Variants in SHC4 observed in about 807,000 individuals in gnomAD.
SHC4 encodes SHC adaptor protein 4, also known as SHC-transforming protein 4.
In SHC4, 41 loss-of-function variants were observed where a neutral mutation model predicts 69.4. That is an observed-to-expected ratio of 0.59 (90% CI 0.46 to 0.77). The LOEUF (loss-of-function observed/expected upper bound fraction) is 0.77, where lower values mean the gene tolerates loss of function less well. Ranked by LOEUF, SHC4 falls within the 30% of genes least tolerant of loss-of-function variation. The probability of loss-of-function intolerance (pLI) is 0.00; values close to 1 mark genes in which losing one functional copy is unlikely to be tolerated. For synonymous variants in SHC4, 318 were observed against 299.3 expected, an observed-to-expected ratio of 1.06 and a Z score of -0.64; for missense variants, 777 against 783.8, an observed-to-expected ratio of 0.99 and a Z score of 0.10.
chr15:48,907,020 A>G, intron 2 of SHC4, among the ~76,000 whole-genome samples: 1 of 152,156 alleles, frequency 6.6e-6, no homozygotes, highest in Middle Eastern at 3.2e-3. Flanking sequence ...AAAACCATAT[A>G]TCAAACTGTT....
chr15:48,954,261 T>G (rs1048442664), intron 1 of SHC4, among the ~76,000 whole-genome samples: 4 of 152,184 alleles, frequency 2.6e-5, no homozygotes. Flanking sequence ...CTCCAGACAT[T>G]ACCAAATGTC....
intron 10 of SHC4, among the ~76,000 whole-genome samples, chr15:48,841,583 G>A (rs897787441): frequency 1.3e-5 from 2 of 152,276 alleles, no homozygotes; most frequent in South Asian, 2.1e-4. Flanking sequence ...GGCTATATAC[G>A]CTCAGCCATT....
At chr15:48,914,145 G>C (rs1291457876) in intron 2 of SHC4, among the ~76,000 whole-genome samples, 1 of 152,234 alleles carries the variant, frequency 6.6e-6, no homozygotes, top group Non-Finnish European at 1.5e-5. Flanking sequence ...ACAGACATGA[G>C]CCACCGCGCC....
chr15:48,908,713 G>T (rs1396768151), intron 2 of SHC4, among the ~76,000 whole-genome samples: 1 of 152,142 alleles, frequency 6.6e-6, no homozygotes, highest in Admixed American at 6.6e-5. Context: ...AATCCATCTT[G>T]AGTTGATTTT....
rs1901570659 is a variant in SHC4, at chr15:48,962,906, G to C, written c.110C>G (p.Ser37Trp). The C allele has an allele frequency of 6.2e-7, 1 of 1,613,222 alleles. No individual in the cohort carries two copies. The highest frequency in any genetic ancestry group is 8.5e-7 in the Non-Finnish European group (1 of 1,180,036). Residue 37 changes from serine to tryptophan, a missense_variant, in exon 1 of 12, where the codon TCG becomes TGG. Ser to Trp is a radical substitution (Grantham distance 177). Transcript: ENST00000332408. ...RAKYSRFRNE[S>W]ITSLDEGSSG... Reference sequence around the variant, plus strand: ...GCTACCTTCGTCCAAGGACGTGATCGACTCGTTCCGAAAGCGGCTGTACTT... The same window carrying C: ...GCTACCTTCGTCCAAGGACGTGATCCACTCGTTCCGAAAGCGGCTGTACTT...
chr15:48,854,242 G>A (rs574520406), intron 8 of SHC4, among the ~76,000 whole-genome samples: 1 of 152,286 alleles, frequency 6.6e-6, no homozygotes, highest in African/African-American at 2.4e-5. Context: ...AATCATCAGA[G>A]AAGTGCAAAT....
intron 1 of SHC4, among the ~76,000 whole-genome samples, chr15:48,950,248 CAT>C (rs1223507085): frequency 7.0e-6 from 1 of 143,394 alleles, no homozygotes; most frequent in Non-Finnish European, 1.5e-5. Flanking sequence ...TATTAAATTT[CAT>C]ATATATTTTA....
At chr15:48,851,552 G>A in intron 8 of SHC4, among the ~76,000 whole-genome samples, 1 of 152,106 alleles carries the variant, frequency 6.6e-6, no homozygotes, top group East Asian at 1.9e-4. Flanking sequence ...CTCAATCCAA[G>A]TCTCAGCCAG....
chr15:48,915,857 A>G (rs1009485410), intron 2 of SHC4, among the ~76,000 whole-genome samples: 1 of 152,136 alleles, frequency 6.6e-6, no homozygotes, highest in Non-Finnish European at 1.5e-5. Context: ...TCTTCTCAGT[A>G]AATTTTTTCA....
At chr15:48,943,451 G>A (rs1901213073) in intron 1 of SHC4, among the ~76,000 whole-genome samples, 1 of 152,094 alleles carries the variant, frequency 6.6e-6, no homozygotes, top group Admixed American at 6.6e-5. Flanking sequence ...TTTTAAGGCT[G>A]AATAATATTT....
intron 9 of SHC4, 26 bp from the exon 10 acceptor site, chr15:48,843,614 C>T (rs1899033710): frequency 1.3e-6 from 2 of 1,574,996 alleles, no homozygotes; most frequent in Non-Finnish European, 1.7e-6. Flanking sequence ...GTGATCAATA[C>T]ATTATGTTTT....
chr15:48,838,986 A>C (rs1249320414), intron 10 of SHC4, among the ~76,000 whole-genome samples: 1 of 152,130 alleles, frequency 6.6e-6, no homozygotes, highest in Non-Finnish European at 1.5e-5. Flanking sequence ...AGCAAGTAGA[A>C]GGAAAACATA....
intron 2 of SHC4, among the ~76,000 whole-genome samples, chr15:48,914,280 TA>T (rs1032758376): frequency 6.6e-6 from 1 of 152,228 alleles, no homozygotes; most frequent in Non-Finnish European, 1.5e-5. Context: ...TAGGAAACAT[TA>T]AGTGTGGTAG....
chr15:48,830,635 TAA>T, intron 11 of SHC4, among the ~76,000 whole-genome samples: 1 of 152,188 alleles, frequency 6.6e-6, no homozygotes, highest in African/African-American at 2.4e-5. Flanking sequence ...AAATTAACAA[TAA>T]AGAGTTTAGC....
intron 6 of SHC4, among the ~76,000 whole-genome samples, chr15:48,858,544 G>A (rs186956311): frequency 9.2e-5 from 14 of 152,286 alleles, no homozygotes; most frequent in Admixed American, 6.5e-4. Flanking sequence ...GTTAGGGTGC[G>A]GGCAGGCATC....
intron 4 of SHC4, among the ~76,000 whole-genome samples, chr15:48,873,740 C>CA (rs56275825): frequency 0.058 from 7,977 of 137,434 alleles, 386 homozygotes; most frequent in East Asian, 0.24. Context: ...GACTCCGTCT[C>CA]AAAAAAAAAA....
intron 2 of SHC4, among the ~76,000 whole-genome samples, chr15:48,920,181 A>AT (rs11390740): frequency 0.33 from 48,359 of 146,060 alleles, 8,007 homozygotes; most frequent in Admixed American, 0.43. Context: ...CGCCTGGCTA[A>AT]TTTTTTTTTT....
At chr15:48,890,220 C>T (rs938776182) in intron 3 of SHC4, among the ~76,000 whole-genome samples, 1 of 152,220 alleles carries the variant, frequency 6.6e-6, no homozygotes, top group South Asian at 2.1e-4. Flanking sequence ...GTCTGTCTAA[C>T]ATCAAAACTT....
At chr15:48,860,251 C>T (rs1025715602) in intron 6 of SHC4, among the ~76,000 whole-genome samples, 57 of 152,098 alleles carry the variant, frequency 3.7e-4, no homozygotes, top group African/African-American at 1.4e-3. Context: ...CAGTGGCTCA[C>T]GCCTGTAATC....
Sources: allele counts gnomAD v4.1 joint callset (sites outside exome capture counted in the v4.1 genomes callset), GRCh38; gene constraint gnomAD v4.1.1; transcripts MANE v1.5; gene names NCBI Gene and HGNC (gene_info 2026-07-23, HGNC 2026-07-21).